The following VWA8 variants were observed in gnomAD, a reference collection of about 807,000 sequenced individuals.
VWA8 encodes the protein von Willebrand factor A domain containing 8.
Under a neutral mutation model 241.5 loss-of-function variants are expected in VWA8, and 221 were observed. That is an observed-to-expected ratio of 0.91 (90% CI 0.82 to 1.02). The LOEUF (loss-of-function observed/expected upper bound fraction) is 1.02, where lower values mean the gene tolerates loss of function less well. Among genes scored for constraint, VWA8 ranks in the 50% least tolerant of loss-of-function variants. The pLI is 0.00. For synonymous variants in VWA8, 852 were observed against 827.1 expected (o/e 1.03, Z -0.52); for missense variants, 2,322 against 2,328.7 (o/e 1.00, Z 0.06).
At chr13:41,784,781 C>T (rs1276774613) in intron 18 of VWA8, among the ~76,000 whole-genome samples, 1 of 116,276 alleles carries the variant, frequency 8.6e-6, no homozygotes, top group Non-Finnish European at 1.8e-5. Flanking sequence ...CACACTAAAA[C>T]ATAACAAAAT....
intron 17 of VWA8, among the ~76,000 whole-genome samples, chr13:41,805,185 T>A (rs1870127890): frequency 6.6e-6 from 1 of 152,090 alleles, no homozygotes; most frequent in Non-Finnish European, 1.5e-5. Flanking sequence ...CATATGAAGA[T>A]ACACAGACTG....
rs2044268695 is a variant in VWA8 at position 41,567,471 on chromosome 13, T to A, written c.*726A>T. On this transcript the variant is annotated 3_prime_UTR_variant, in exon 45 of 45. Transcript: ENST00000379310. ...TAGAAGAACAGAAGAAACAGTAAAC[T>A]TTTAAGGCAAGACATCTTTCTCCTC... 6.6e-6 allele frequency: 1 copy of A among 152,222 alleles called. No homozygotes were observed. Among genetic ancestry groups the A allele is most frequent in the African/African-American group, 2.4e-5 (1 of 41,462 alleles). The allele number at this position is 152,222 out of a possible 1,614,324, so 9.4% of individuals were successfully genotyped here.
intron 12 of VWA8, among the ~76,000 whole-genome samples, chr13:41,856,017 C>T (rs964151433): frequency 6.6e-6 from 1 of 152,060 alleles, no homozygotes; most frequent in Non-Finnish European, 1.5e-5. Flanking sequence ...GTAATATTAC[C>T]AATTTGTTCT....
chr13:41,800,128 T>C (rs1210742952), intron 17 of VWA8, among the ~76,000 whole-genome samples: 1 of 152,262 alleles, frequency 6.6e-6, no homozygotes, highest in African/African-American at 2.4e-5. Flanking sequence ...CATTTCTTTT[T>C]GTTGCTAACA....
intron 18 of VWA8, among the ~76,000 whole-genome samples, chr13:41,785,356 A>G (rs946193980): frequency 6.6e-6 from 1 of 152,178 alleles, no homozygotes; most frequent in Non-Finnish European, 1.5e-5. Context: ...TCTTTCTACC[A>G]TATGGGATAT....
chr13:41,882,267 G>C (rs1450497315), intron 9 of VWA8, among the ~76,000 whole-genome samples: 1 of 142,636 alleles, frequency 7.0e-6, no homozygotes, highest in Non-Finnish European at 1.5e-5. Context: ...AGAGGCGCTC[G>C]TCACTTCCTA....
At chr13:41,935,563 T>G (rs932359692) in intron 2 of VWA8, among the ~76,000 whole-genome samples, 1 of 151,894 alleles carries the variant, frequency 6.6e-6, no homozygotes, top group African/African-American at 2.4e-5. Flanking sequence ...AAATTACAAA[T>G]GTAGTACATA....
At chr13:41,826,052 A>T (rs369396038) in intron 14 of VWA8, among the ~76,000 whole-genome samples, 344 of 148,912 alleles carry the variant, frequency 2.3e-3, no homozygotes, top group African/African-American at 8.0e-3. Flanking sequence ...TTAAGAGAAG[A>T]ATCTAACCTA....
chr13:41,931,673 ACAT>A (rs568661712), intron 2 of VWA8, among the ~76,000 whole-genome samples: 204 of 152,232 alleles, frequency 1.3e-3, no homozygotes, highest in Middle Eastern at 6.8e-3. Flanking sequence ...ATATCTCATA[ACAT>A]CATGTTATAT....
At chr13:41,623,835 T>C (rs1357626463) in intron 37 of VWA8, among the ~76,000 whole-genome samples, 1 of 152,188 alleles carries the variant, frequency 6.6e-6, no homozygotes, top group Non-Finnish European at 1.5e-5. Flanking sequence ...TGAATATACC[T>C]GCCTAAAACA....
intron 39 of VWA8, among the ~76,000 whole-genome samples, chr13:41,606,438 C>G (rs894304982): frequency 6.6e-6 from 1 of 152,032 alleles, no homozygotes; most frequent in Non-Finnish European, 1.5e-5. Flanking sequence ...CTTAATAATA[C>G]ATTTCTATAA....
intron 1 of VWA8, among the ~76,000 whole-genome samples, chr13:41,954,040 G>C (rs908093899): frequency 1.4e-4 from 22 of 152,262 alleles, no homozygotes; most frequent in South Asian, 4.1e-4. Context: ...ATAGACAAAA[G>C]GGAAAAGTTA....
Position 41,891,556 on chromosome 13 carries a change from GT to G in VWA8, c.514del (p.Thr172LeufsTer18). On this transcript the variant is annotated frameshift_variant, in exon 5 of 45. Coordinates refer to ENST00000379310, the MANE Select transcript of VWA8 (RefSeq NM_015058.2). LOFTEE classifies it high-confidence loss of function. ...CTTTTCCAAACCTTCCAAAATGAGA[GT>G]TCTGCCTTCTGTGGCTGCACGAACT... is the stretch of plus-strand genomic sequence containing the variant. ...CAVRAATEGR[T>X]LILEGLEKAE... is the part of the protein sequence containing the mutation. 4.3e-6 allele frequency: 7 copies of G among 1,614,150 alleles called. No homozygotes were observed. The highest frequency in any genetic ancestry group is 5.9e-6 in the Non-Finnish European group (7 of 1,180,016).
chr13:41,917,598 A>G (rs1200680401), intron 2 of VWA8, among the ~76,000 whole-genome samples: 1 of 152,198 alleles, frequency 6.6e-6, no homozygotes, highest in Admixed American at 6.5e-5. Flanking sequence ...CGGGAGAATT[A>G]TTCAAGTCTC....
chr13:41,870,635 CAA>C (rs1330134932), intron 9 of VWA8, among the ~76,000 whole-genome samples: 6 of 61,158 alleles, frequency 9.8e-5, no homozygotes, highest in Admixed American at 1.7e-4. Flanking sequence ...GACTCCGTCT[CAA>C]AAAAAAAAAA....
intron 2 of VWA8, among the ~76,000 whole-genome samples, chr13:41,929,882 G>A (rs1372099588): frequency 2.0e-5 from 3 of 151,968 alleles, no homozygotes; most frequent in Admixed American, 1.3e-4. Context: ...AAACAAATAA[G>A]TGAGACTACA....
At chr13:41,676,047 A>C (rs1402148171) in intron 35 of VWA8, among the ~76,000 whole-genome samples, 1 of 152,114 alleles carries the variant, frequency 6.6e-6, no homozygotes, top group Non-Finnish European at 1.5e-5. Context: ...GATAGATAAA[A>C]GTCCCTAAAG....
At position 41,881,372 on chromosome 13, in the gene VWA8, C is replaced by CCGGGGGG. The variant is rs1491423444; in HGVS notation, c.1080+2014_1080+2015insCCCCCCG. 3.6e-4 allele frequency among the ~76,000 whole-genome samples: 3 copies of CCGGGGGG among 8,296 alleles called. 1 individual carries two copies. The highest frequency in any genetic ancestry group is 7.6e-4 in the African/African-American group (1 of 1,312). The allele number at this position is 8,296 out of a possible 152,430, so 5.4% of individuals were successfully genotyped here. ...CTAGAACATCATAGTTTTTTTTTGC[C>CCGGGGGG]GGGGGGGGGGGGGGGGGGGTAAGGT... On this transcript the variant is annotated intron_variant, in intron 9 of 44. Transcript: ENST00000379310.
chr13:41,681,814 G>A (rs1179488067), intron 35 of VWA8, among the ~76,000 whole-genome samples: 1 of 152,150 alleles, frequency 6.6e-6, no homozygotes, highest in African/African-American at 2.4e-5. Flanking sequence ...AAGACCTTCT[G>A]AGGAAGTGAC....
Sources: gnomAD v4.1 joint callset for allele counts (sites outside exome capture counted in the v4.1 genomes callset) on GRCh38, gnomAD v4.1.1 for gene constraint, MANE v1.5 for transcripts, NCBI Gene and HGNC (gene_info 2026-07-23, HGNC 2026-07-21) for gene names.